MYO1F: variants seen among roughly 807,000 people sequenced by gnomAD.
MYO1F encodes the protein unconventional myosin-If.
MYO1F carries 60 observed loss-of-function variants against 146.6 expected under a neutral mutation model. The observed-to-expected ratio is 0.41, with a 90% CI of 0.33 to 0.51. The LOEUF is 0.51. MYO1F is among the 20% of genes least tolerant of loss of function. MYO1F has a pLI of 0.25. For synonymous variants in MYO1F, 602 were observed against 602.1 expected (o/e 1.00, Z 0.00); for missense variants, 1,274 against 1,534.3 (o/e 0.83, Z 2.83).
intron 1 of MYO1F, among the ~76,000 whole-genome samples, chr19:8,565,255 T>C (rs940313925): frequency 6.6e-6 from 1 of 151,574 alleles, no homozygotes; most frequent in Admixed American, 6.6e-5. Flanking sequence ...ATAAAAATTG[T>C]GGGCAGGTTG....
chr19:8,562,516 T>C (rs139728555), intron 1 of MYO1F, among the ~76,000 whole-genome samples: 1 of 152,080 alleles, frequency 6.6e-6, no homozygotes, highest in East Asian at 1.9e-4. Context: ...CTCAACACTT[T>C]GTTTATTTTA....
At chr19:8,536,627 GGGGTGGGGAGTCACCAGTCCTGGGGGT>G in intron 17 of MYO1F, 30 bp from the exon 18 acceptor site, 1 of 1,479,274 alleles carries the variant, frequency 6.8e-7, no homozygotes, top group South Asian at 1.1e-5. Context: ...GAGTCCCCTC[GGGGTGGGGAGTCACCAGTCCTGGGGGT>G]GGGTGGGAGG....
rs1197743232 is a variant in MYO1F, at chr19:8,554,658, C to T, written c.227G>A (p.Gly76Asp). 1.5e-5 allele frequency: 25 copies of T among 1,613,972 alleles called. No homozygotes were observed. The highest frequency in any genetic ancestry group is 1.9e-5 in the Non-Finnish European group (22 of 1,179,990). ...FTDREIDLYQ[G>D]AAQYENPPHI... ...CCCACCCAGCCCCAGCCTCACCGCG[C>T]CCTGATAGAGGTCGATCTCACGGTC... The change falls in exon 3 of 28, where the codon GGC becomes GAC. Residue 76 changes from glycine (G) to aspartate (D), a missense_variant. Gly to Asp is a moderately conservative substitution (Grantham distance 94). Transcript: ENST00000644032.
At chr19:8,560,400 G>A (rs1010963760) in intron 1 of MYO1F, among the ~76,000 whole-genome samples, 27 of 151,398 alleles carry the variant, frequency 1.8e-4, no homozygotes, top group African/African-American at 3.6e-4. Context: ...CAGGAGACTC[G>A]CTTGATCCCG....
chr19:8,553,738 G>C (rs887985737), intron 4 of MYO1F, among the ~76,000 whole-genome samples: 2 of 151,900 alleles, frequency 1.3e-5, no homozygotes, highest in African/African-American at 4.8e-5. Context: ...CGGACATGGT[G>C]GTGGGCGCCT....
chr19:8,542,582 C>CGTTTTT (rs1207969242), intron 14 of MYO1F, among the ~76,000 whole-genome samples: 3 of 150,564 alleles, frequency 2.0e-5, no homozygotes, highest in South Asian at 4.2e-4. Flanking sequence ...GAGCTCCAGC[C>CGTTTTT]GTTTTTGTTT....
At chr19:8,542,141 G>A in intron 14 of MYO1F, 150 bp from the exon 15 acceptor site, 1 of 683,176 alleles carries the variant, frequency 1.5e-6, no homozygotes. Flanking sequence ...CTGGCTGGGG[G>A]GTATCTACAG....
intron 12 of MYO1F, 38 bp downstream of exon 12, chr19:8,547,998 C>A: frequency 8.0e-7 from 1 of 1,249,188 alleles, no homozygotes; most frequent in Non-Finnish European, 1.2e-6. Flanking sequence ...CCCACCCCCA[C>A]CCCAGGATCC....
intron 14 of MYO1F, 65 bp downstream of exon 14, chr19:8,544,232 G>A (rs1973233378): frequency 1.9e-6 from 3 of 1,563,378 alleles, no homozygotes; most frequent in Non-Finnish European, 2.6e-6. Flanking sequence ...GAGGGTGGGG[G>A]CTACAGCCTG....
rs1480028466 is a variant in MYO1F at position 8,530,037 on chromosome 19, C to T, written c.2328+159G>A. The T allele has an allele frequency of 1.0e-6, 1 of 957,166 alleles. No individual in the cohort carries two copies. The highest frequency in any genetic ancestry group is 1.8e-5 in the Admixed American group (1 of 54,162). The allele number at this position is 957,166 out of a possible 1,614,324, so 59.3% of individuals were successfully genotyped here. A position where few individuals can be genotyped will look rare whatever the true frequency, so the allele number is the denominator to read the frequency against. On this transcript the variant is annotated intron_variant, in intron 21 of 27. Transcript: ENST00000644032. This position sits in a 1 kb window ranked among gnomAD's most constrained non-coding sequence, Gnocchi z 5.8. The stretch of plus-strand genomic sequence containing the variant: ...ATGGATCTAGGCTGGGGGATCTATG[C>T]CTGTGGGCAGGTGCATATGGGCCAG...
At chr19:8,533,021 T>TG (rs1277791002) in intron 19 of MYO1F, among the ~76,000 whole-genome samples, 2 of 151,842 alleles carry the variant, frequency 1.3e-5, no homozygotes, top group Non-Finnish European at 2.9e-5. Flanking sequence ...AGCACATTGC[T>TG]GCTAAGAGCC....
chr19:8,531,116 G>A (rs1972470615), intron 19 of MYO1F, among the ~76,000 whole-genome samples: 1 of 152,082 alleles, frequency 6.6e-6, no homozygotes, highest in African/African-American at 2.4e-5. Flanking sequence ...GGGAGGCTGA[G>A]GCGGGAAGAT....
intron 21 of MYO1F, among the ~76,000 whole-genome samples, chr19:8,529,023 C>T (rs1203470186): frequency 6.6e-6 from 1 of 152,102 alleles, no homozygotes; most frequent in African/African-American, 2.4e-5. Flanking sequence ...GGCATACCTG[C>T]CACACAGACC....
chr19:8,537,177 C>T (rs1175118530), intron 16 of MYO1F, 122 bp from the exon 17 acceptor site: 3 of 704,148 alleles, frequency 4.3e-6, no homozygotes, highest in East Asian at 5.5e-5. Context: ...GGGCTGGTAA[C>T]AGATAAGCCA....
At chr19:8,567,516 CT>C (rs2042026579) in intron 1 of MYO1F, among the ~76,000 whole-genome samples, 2 of 152,124 alleles carry the variant, frequency 1.3e-5, no homozygotes, top group South Asian at 4.1e-4. Flanking sequence ...TTACAGGCGC[CT>C]GGCTGATTTT....
In MYO1F at chr19:8,530,438, C is replaced by T. The variant is rs1012384405; in HGVS notation, c.2158+21G>A. The T allele has an allele frequency of 1.9e-6, 3 of 1,613,530 alleles. No homozygotes were observed. Among genetic ancestry groups the T allele is most frequent in the Admixed American group, 1.7e-5 (1 of 59,988 alleles). On this transcript the variant is annotated intron_variant, in intron 20 of 27. Transcript: ENST00000644032. This position sits in a 1 kb window ranked among gnomAD's most constrained non-coding sequence, Gnocchi z 5.8. ...AGGTCCTTGTGCCCCCACCCCGCGC[C>T]GTTTACCCGAAGCCTCTCACCTTCC...
intron 8 of MYO1F, 59 bp from the exon 9 acceptor site, chr19:8,550,753 G>C: frequency 6.2e-7 from 1 of 1,610,996 alleles, no homozygotes; most frequent in Non-Finnish European, 8.5e-7. Context: ...CCTGCCTCCA[G>C]GGGCAGGCTT....
chr19:8,574,753 C>CTT (rs2042204625), intron 1 of MYO1F, among the ~76,000 whole-genome samples: 1 of 131,416 alleles, frequency 7.6e-6, no homozygotes, highest in South Asian at 2.5e-4. Context: ...CTTTCTTTCT[C>CTT]TCTCTCTTTC....
Position 8,527,429 on chromosome 19 carries a change from C to G in MYO1F, c.2383G>C (p.Glu795Gln), listed in dbSNP as rs2145830522. ...TPKCVYVIGREKVKKGPEKGQ... is the reference protein window; with the variant it reads ...TPKCVYVIGRQKVKKGPEKGQ... ...TTCTCAGGTCCCTTCTTCACTTTCT[C>G]TCGCCCAATCACATACACACACTTG... Residue 795 changes from glutamate to glutamine, a missense_variant, in exon 22 of 28, where the codon GAG becomes CAG. By Grantham distance (29) the Glu-to-Gln change is conservative. Around this residue, in one of 2 missense-constraint regions of MYO1F, gnomAD observed 900 missense variants for 1,155.1 expected, o/e 0.78. Coordinates refer to ENST00000644032, the MANE Select transcript of MYO1F (RefSeq NM_012335.4). 2 of 1,614,092 alleles carry G rather than the reference C, an allele frequency of 1.2e-6. No homozygotes were observed. Among genetic ancestry groups the G allele is most frequent in the East Asian group, 2.2e-5 (1 of 44,872 alleles).
Sources: gnomAD v4.1 joint callset for allele counts (sites outside exome capture counted in the v4.1 genomes callset) on GRCh38, gnomAD v4.1.1 for gene constraint, gnomAD v4.1.1 regional missense constraint, Gnocchi (gnomAD v3.1) non-coding constraint, MANE v1.5 for transcripts, NCBI Gene and HGNC (gene_info 2026-07-23, HGNC 2026-07-21) for gene names.